The following SLC16A1 variants were observed in gnomAD, a reference collection of about 807,000 sequenced individuals.
SLC16A1 encodes the protein solute carrier family 16 member 1, also known as monocarboxylate transporter 1.
SLC16A1 carries 11 observed loss-of-function variants against 32.2 expected under a neutral mutation model. The ratio of observed to expected loss-of-function variants is 0.34; its 90% CI spans 0.21 to 0.56. SLC16A1 has a LOEUF of 0.56. Ranked by LOEUF, SLC16A1 falls within the 20% of genes least tolerant of loss-of-function variation. The pLI, the probability that SLC16A1 is intolerant of heterozygous loss-of-function variation, is 0.87. For missense variants in SLC16A1, 435 were observed against 615.0 expected, an observed-to-expected ratio of 0.71 and a Z score of 3.10; for synonymous variants, 231 against 226.8, an observed-to-expected ratio of 1.02 and a Z score of -0.17.
chr1:112,913,255 G>A lies in SLC16A1; in HGVS notation c.*636C>T, dbSNP rs1174009524. 2 of 153,450 alleles carry A rather than the reference G, an allele frequency of 1.3e-5. No homozygotes were observed. Among genetic ancestry groups the A allele is most frequent in the African/African-American group, 2.4e-5 (1 of 41,462 alleles). 9.5% of individuals were successfully genotyped at this position (153,450 alleles called of 1,614,324 possible). ...AAAGGTACCTGAGAGGGGTTGACAA[G>A]TACACTGTGTCTAGAACAGCCAAGA... On this transcript the variant is annotated 3_prime_UTR_variant, in exon 5 of 5. Transcript: ENST00000369626.
chr1:112,948,046 C>G (rs561769200), intron 1 of SLC16A1, among the ~76,000 whole-genome samples: 2 of 152,188 alleles, frequency 1.3e-5, no homozygotes, highest in South Asian at 2.1e-4. Flanking sequence ...TGGTGAAACC[C>G]CATCTCTACT....
chr1:112,924,584 AAAAC>A (rs976010804), intron 2 of SLC16A1, among the ~76,000 whole-genome samples: 3 of 152,232 alleles, frequency 2.0e-5, no homozygotes, highest in Non-Finnish European at 4.4e-5. Flanking sequence ...CAAACAAACA[AAAAC>A]AACAACAACA....
rs369665337 is a variant in SLC16A1, at chr1:112,923,298, A to C, written c.218-1165T>G. The C allele has an allele frequency of 1.8e-3, 690 of 394,190 alleles. 4 individuals are homozygous for C. Among genetic ancestry groups the C allele is most frequent in the Non-Finnish European group, 5.9e-4 (121 of 206,588 alleles). 24.4% of individuals were successfully genotyped at this position (394,190 alleles called of 1,614,324 possible). On this transcript the variant is annotated intron_variant, in intron 2 of 4. Transcript: ENST00000369626. Reference sequence around the variant, plus strand: ...ACTCCAGCCTGGGCAACAAGAGTGAAACTCCGTCTCAAAAACAAACAAACA... The same window carrying C: ...ACTCCAGCCTGGGCAACAAGAGTGACACTCCGTCTCAAAAACAAACAAACA...
At chr1:112,921,198 C>T (rs1648721616) in intron 3 of SLC16A1, among the ~76,000 whole-genome samples, 1 of 151,606 alleles carries the variant, frequency 6.6e-6, no homozygotes, top group Admixed American at 6.6e-5. Flanking sequence ...ACTGTTCTCA[C>T]GTGTTAAACT....
chr1:112,949,916 C>T (rs1008435533), intron 1 of SLC16A1, among the ~76,000 whole-genome samples: 44 of 152,186 alleles, frequency 2.9e-4, no homozygotes, highest in African/African-American at 1.0e-3. Context: ...TAACAATGTG[C>T]TTTTAAAAAA....
chr1:112,939,681 T>G (rs539004179), intron 1 of SLC16A1, among the ~76,000 whole-genome samples: 3 of 152,028 alleles, frequency 2.0e-5, no homozygotes, highest in African/African-American at 7.2e-5. Context: ...AATTTTTGTA[T>G]TATTAGTAGG....
chr1:112,927,119 CAAAAAAAAAAA>C (rs761951516), intron 2 of SLC16A1, among the ~76,000 whole-genome samples: 1 of 57,596 alleles, frequency 1.7e-5, no homozygotes. Flanking sequence ...GACCCTGTGT[CAAAAAAAAAAA>C]AAAAAAAAAT....
At chr1:112,953,458 GA>G (rs1470101712) in intron 1 of SLC16A1, among the ~76,000 whole-genome samples, 2 of 152,160 alleles carry the variant, frequency 1.3e-5, no homozygotes, top group Non-Finnish European at 2.9e-5. Context: ...CCACCAGCTT[GA>G]AAATCCTTCA....
intron 1 of SLC16A1, 66 bp from the exon 2 acceptor site, chr1:112,929,418 TAAGA>T (rs1009826677): frequency 1.1e-6 from 1 of 895,170 alleles, no homozygotes; most frequent in African/African-American, 1.7e-5. Context: ...TTTTGTGAAA[TAAGA>T]AATATAGCCA....
intron 3 of SLC16A1, among the ~76,000 whole-genome samples, chr1:112,920,970 T>C (rs1557845620): frequency 6.6e-6 from 1 of 151,722 alleles, no homozygotes; most frequent in African/African-American, 2.4e-5. Context: ...ACCCCGTCTC[T>C]ACTAAAAAAA....
At chr1:112,946,708 C>G (rs1396732616) in intron 1 of SLC16A1, among the ~76,000 whole-genome samples, 1 of 152,142 alleles carries the variant, frequency 6.6e-6, no homozygotes, top group Non-Finnish European at 1.5e-5. Context: ...CATGCACCAC[C>G]ACGCCCAGCT....
chr1:112,943,787 C>CAAAAAAA (rs60946516), intron 1 of SLC16A1, among the ~76,000 whole-genome samples: 1 of 49,504 alleles, frequency 2.0e-5, no homozygotes, highest in African/African-American at 5.2e-5. Flanking sequence ...GACTCCATCT[C>CAAAAAAA]AAAAAAAAAA....
chr1:112,917,516 T>G lies in SLC16A1; in HGVS notation c.890A>C (p.Lys297Thr). The change falls in exon 4 of 5, where the codon AAG becomes ACG. Residue 297 changes from lysine to threonine, a missense_variant. By Grantham distance (78) the Lys-to-Thr change is moderately conservative. This residue lies in a region of SLC16A1 where 324 missense variants were observed against 500.3 expected (regional missense o/e 0.65). Coordinates refer to ENST00000369626, the MANE Select transcript of SLC16A1 (RefSeq NM_003051.4). This position sits in a 1 kb window ranked among gnomAD's most constrained non-coding sequence, Gnocchi z 4.1. ...CAGAATGGAAAGAAGGAAGGCAGAC[T>G]TCTCACTAGAATAATGCTGACTCTT... ...YGKSQHYSSE[K>T]SAFLLSILAF... 6.2e-7 allele frequency: 1 copy of G among 1,614,202 alleles called. No individual in the cohort carries two copies. The highest frequency in any genetic ancestry group is 8.5e-7 in the Non-Finnish European group (1 of 1,180,034).
intron 3 of SLC16A1, among the ~76,000 whole-genome samples, chr1:112,920,901 AG>A (rs1648701677): frequency 6.6e-6 from 1 of 152,260 alleles, no homozygotes; most frequent in East Asian, 1.9e-4. Flanking sequence ...GCACTTTGGG[AG>A]GCCGAGGCAG....
At position 112,922,105 on chromosome 1, in the gene SLC16A1, T is replaced by G. The variant is rs775009482; in HGVS notation, c.246A>C (p.Lys82Asn). Residue 82 changes from lysine (K) to asparagine (N), a missense_variant, in exon 3 of 5, where the codon AAA becomes AAC. Coordinates refer to ENST00000369626, the MANE Select transcript of SLC16A1 (RefSeq NM_003051.4). Reference protein sequence around the residue: ...GGPISSILVNKYGSRIVMIVG... With the variant: ...GGPISSILVNNYGSRIVMIVG... The stretch of plus-strand genomic sequence containing the variant: ...CAATCATGACTATACGACTTCCATA[T>G]TTATTCACCAGGATACTGCTGATAG... 1.7e-5 allele frequency: 27 copies of G among 1,614,042 alleles called. No individual in the cohort carries two copies. Among genetic ancestry groups the G allele is most frequent in the Non-Finnish European group, 2.2e-5 (26 of 1,180,042 alleles).
At chr1:112,952,672 G>C (rs1226373539) in intron 1 of SLC16A1, among the ~76,000 whole-genome samples, 2 of 152,118 alleles carry the variant, frequency 1.3e-5, no homozygotes, top group African/African-American at 4.8e-5. Context: ...AGTAGATAGG[G>C]GAAGAGAGAA....
chr1:112,938,983 C>T (rs780924061), intron 1 of SLC16A1, among the ~76,000 whole-genome samples: 11 of 151,500 alleles, frequency 7.3e-5, no homozygotes, highest in South Asian at 2.1e-4. Flanking sequence ...CTCCGCCATC[C>T]GGTTTCAAAC....
intron 1 of SLC16A1, among the ~76,000 whole-genome samples, chr1:112,945,009 T>G (rs1378980607): frequency 2.0e-5 from 3 of 150,536 alleles, no homozygotes; most frequent in South Asian, 2.1e-4. Context: ...TTTTTTTTTT[T>G]TTTGTTTGAG....
chr1:112,929,147 G>A lies in SLC16A1; in HGVS notation c.162C>T (p.Thr54=). 1 of 1,613,952 alleles carries A rather than the reference G, an allele frequency of 6.2e-7. No homozygotes were observed. The highest frequency in any genetic ancestry group is 8.5e-7 in the Non-Finnish European group (1 of 1,179,976). ...AGGATATCCATGACACTTCGCTGGT[G>A]GTGGCATGGAATATACCTTCAATCT... The part of the protein sequence containing the change: ...FKEIEGIFHA[T]TSEVSWISSI... The change falls in exon 2 of 5, where the codon ACC becomes ACT. Residue 54 remains threonine (T), a synonymous_variant. Coordinates refer to ENST00000369626, the MANE Select transcript of SLC16A1 (RefSeq NM_003051.4).
Sources: gnomAD v4.1 joint callset for allele counts (sites outside exome capture counted in the v4.1 genomes callset) on GRCh38, gnomAD v4.1.1 for gene constraint, gnomAD v4.1.1 regional missense constraint, Gnocchi (gnomAD v3.1) non-coding constraint, MANE v1.5 for transcripts, NCBI Gene and HGNC (gene_info 2026-07-23, HGNC 2026-07-21) for gene names.